Variants in LRRC37A2 observed in about 807,000 individuals in gnomAD.
LRRC37A2 encodes leucine rich repeat containing 37 member A2.
Under a neutral mutation model 68.8 loss-of-function variants are expected in LRRC37A2, and 9 were observed. The ratio of observed to expected loss-of-function variants is 0.13; its 90% CI spans 0.08 to 0.23. The LOEUF (loss-of-function observed/expected upper bound fraction) is 0.23. Among genes scored for constraint, LRRC37A2 ranks in the 10% least tolerant of loss-of-function variants. The probability of loss-of-function intolerance (pLI) is 1.00; values close to 1 mark genes in which losing one functional copy is unlikely to be tolerated. For synonymous variants in LRRC37A2, 63 were observed against 367.6 expected (o/e 0.17, Z 9.48); for missense variants, 168 against 950.4 (o/e 0.18, Z 10.82).
the LRRC37A2 span, among the ~76,000 whole-genome samples, chr17:46,891,890 CTTTTT>C: frequency 1.4e-5 from 2 of 144,374 alleles, no homozygotes; most frequent in Non-Finnish European, 3.1e-5. Context: ...TCCTTTTACT[CTTTTT>C]TTCTTTTCTT....
chr17:46,984,391 G>C, the LRRC37A2 span, among the ~76,000 whole-genome samples: 2 of 152,152 alleles, frequency 1.3e-5, no homozygotes, highest in African/African-American at 4.8e-5. Flanking sequence ...AGGGGCTCAG[G>C]AGCCTAAGGG....
chr17:47,028,270 T>G, the LRRC37A2 span: 3 of 1,475,672 alleles, frequency 2.0e-6, no homozygotes, highest in African/African-American at 2.8e-5. Flanking sequence ...TGTGTCTTTT[T>G]TTTTTTTAGA....
the LRRC37A2 span, among the ~76,000 whole-genome samples, chr17:47,029,183 C>A: frequency 2.6e-5 from 4 of 151,820 alleles, no homozygotes; most frequent in Non-Finnish European, 5.9e-5. Flanking sequence ...ACTCCTGTGA[C>A]CTCAGGTGAT....
chr17:46,939,752 C>T, the LRRC37A2 span: 4 of 987,214 alleles, frequency 4.1e-6, no homozygotes, highest in Non-Finnish European at 4.8e-6. Flanking sequence ...TTGTAACACT[C>T]TGTTTTCAGG....
the LRRC37A2 span, chr17:46,749,691 T>C: frequency 1.5e-6 from 2 of 1,301,138 alleles, no homozygotes; most frequent in Non-Finnish European, 2.1e-6. Context: ...TAAAAGTCTT[T>C]TGCAAATTGT....
chr17:46,691,393 G>A, the LRRC37A2 span, among the ~76,000 whole-genome samples: 3 of 108,800 alleles, frequency 2.8e-5, no homozygotes, highest in East Asian at 6.1e-4. Flanking sequence ...TCAGGAGTTC[G>A]AGACCAGCCT....
At chr17:46,900,240 C>CACAT in the LRRC37A2 span, among the ~76,000 whole-genome samples, 68 of 134,586 alleles carry the variant, frequency 5.1e-4, 4 homozygotes, top group African/African-American at 2.0e-3. Context: ...TATATACACA[C>CACAT]ATATATATAT....
chr17:46,749,250 G>C, the LRRC37A2 span, among the ~76,000 whole-genome samples: 1 of 152,088 alleles, frequency 6.6e-6, no homozygotes, highest in Non-Finnish European at 1.5e-5. Context: ...ATATTTTGGG[G>C]TTAAAAGTAA....
At chr17:46,947,812 A>T in the LRRC37A2 span, among the ~76,000 whole-genome samples, 1 of 152,192 alleles carries the variant, frequency 6.6e-6, no homozygotes, top group South Asian at 2.1e-4. Context: ...CTTGTTGCCC[A>T]GGCTGGAGTG....
chr17:47,002,323 C>T, the LRRC37A2 span, among the ~76,000 whole-genome samples: 2 of 152,040 alleles, frequency 1.3e-5, no homozygotes, highest in African/African-American at 4.8e-5. Flanking sequence ...GTATCCAGCC[C>T]CTCAAGCATT....
chr17:46,769,654 C>T, the LRRC37A2 span: 1 of 1,303,840 alleles, frequency 7.7e-7, no homozygotes. Context: ...GAGGCCAAGC[C>T]TGGCCAAGGG....
the LRRC37A2 span, chr17:46,692,911 T>C: frequency 7.7e-7 from 1 of 1,292,982 alleles, no homozygotes; most frequent in South Asian, 1.3e-5. Flanking sequence ...AGCTTGGTGC[T>C]AACAGTGGTT....
At chr17:47,033,247 A>AAAAG in the LRRC37A2 span, 15 of 632,576 alleles carry the variant, frequency 2.4e-5, no homozygotes, top group African/African-American at 5.8e-5. Flanking sequence ...AAAAAAAAAA[A>AAAAG]AAAGAAAGAA....
chr17:46,823,004 A>C, the LRRC37A2 span, among the ~76,000 whole-genome samples: 1 of 40,950 alleles, frequency 2.4e-5, no homozygotes, highest in African/African-American at 7.4e-5. Context: ...TTATATATAT[A>C]TGTATTTATA....
chr17:46,946,782 G>C, the LRRC37A2 span, among the ~76,000 whole-genome samples: 1 of 152,214 alleles, frequency 6.6e-6, no homozygotes, highest in Non-Finnish European at 1.5e-5. Flanking sequence ...AGAATTGTTT[G>C]AACCCAGGAG....
the LRRC37A2 span, among the ~76,000 whole-genome samples, chr17:46,997,858 T>A: frequency 1.3e-5 from 2 of 151,784 alleles, no homozygotes; most frequent in Non-Finnish European, 2.9e-5. Context: ...TAATCCCAGC[T>A]ACTCGGGAGG....
chr17:46,984,553 G>A, the LRRC37A2 span, among the ~76,000 whole-genome samples: 16 of 152,162 alleles, frequency 1.1e-4, no homozygotes, highest in African/African-American at 3.1e-4. Context: ...TGGGCAGTCC[G>A]GCTGCCCCAG....
At chr17:47,008,704 T>TCCTGATCTCATAATCTG in the LRRC37A2 span, among the ~76,000 whole-genome samples, 1 of 151,832 alleles carries the variant, frequency 6.6e-6, no homozygotes, top group Non-Finnish European at 1.5e-5. Context: ...GGTCTCAAAC[T>TCCTGATCTCATAATCTG]CCTGATCTCA....
the LRRC37A2 span, among the ~76,000 whole-genome samples, chr17:46,810,007 T>TC: frequency 0.012 from 1,796 of 146,150 alleles, 33 homozygotes; most frequent in African/African-American, 0.038. Flanking sequence ...TTTCTTTCTT[T>TC]TTTTTTTTTT....
Sources: gnomAD v4.1 joint callset for allele counts (sites outside exome capture counted in the v4.1 genomes callset) on GRCh38, gnomAD v4.1.1 for gene constraint, MANE v1.5 for transcripts, NCBI Gene and HGNC (gene_info 2026-07-23, HGNC 2026-07-21) for gene names.